Variants in ANKRD55 observed in about 807,000 individuals in gnomAD.
The protein encoded by ANKRD55 is ankyrin repeat domain 55, also known as ankyrin repeat domain-containing protein 55.
Under a neutral mutation model 60.6 loss-of-function variants are expected in ANKRD55, and 41 were observed. The observed-to-expected ratio is 0.68, with a 90% CI of 0.53 to 0.88. The LOEUF is 0.88. ANKRD55 is among the 40% of genes least tolerant of loss of function. The probability of loss-of-function intolerance (pLI) is 0.00; values close to 1 mark genes in which losing one functional copy is unlikely to be tolerated. For missense variants in ANKRD55, 732 were observed against 767.6 expected (o/e 0.95, Z 0.55); for synonymous variants, 264 against 290.3 (o/e 0.91, Z 0.92).
Position 56,111,490 on chromosome 5 carries a change from C to T in ANKRD55, c.1258G>A (p.Glu420Lys). 6.2e-7 allele frequency: 1 copy of T among 1,614,138 alleles called. No individual in the cohort carries two copies. The highest frequency in any genetic ancestry group is 8.5e-7 in the Non-Finnish European group (1 of 1,180,038). Residue 420 changes from glutamate (E) to lysine (K), a missense_variant, in exon 10 of 12, where the codon GAA becomes AAA. Transcript: ENST00000341048. ...TSDNSKYLLP[E>K]KKPLARKGLP... ...CCCTTACGGGCCAGCGGTTTCTTTT[C>T]TGGTAAGAGATATTTTGAATTGTCT...
rs192839993 is a variant in ANKRD55 at position 56,146,043 on chromosome 5, T to G, written c.484-2114A>C. ...AAATTAAATTATATTTTAAAAATAA[T>G]GCATGGATAGCCCGTTTCCCAGTTC... On this transcript the variant is annotated intron_variant, in intron 6 of 11. Coordinates refer to ENST00000341048, the MANE Select transcript of ANKRD55 (RefSeq NM_024669.3). Among the ~76,000 whole-genome samples the G allele has an allele frequency of 2.0e-3, 309 of 152,308 alleles. 1 individual carries two copies. Among genetic ancestry groups the G allele is most frequent in the East Asian group, 8.9e-3 (46 of 5,190 alleles).
intron 10 of ANKRD55, among the ~76,000 whole-genome samples, chr5:56,105,003 G>A (rs1467448947): frequency 6.6e-6 from 1 of 151,892 alleles, no homozygotes. Flanking sequence ...AATTTCTTCA[G>A]TTATAAAGAG....
intron 8 of ANKRD55, among the ~76,000 whole-genome samples, chr5:56,118,016 G>A (rs1214121195): frequency 6.6e-6 from 1 of 152,024 alleles, no homozygotes; most frequent in Non-Finnish European, 1.5e-5. Flanking sequence ...GGTGGCATGT[G>A]CCTGTAGTCC....
intron 8 of ANKRD55, among the ~76,000 whole-genome samples, chr5:56,121,862 T>A (rs1757076156): frequency 6.6e-6 from 1 of 152,172 alleles, no homozygotes; most frequent in Non-Finnish European, 1.5e-5. Flanking sequence ...AGACCCTGAA[T>A]TTTTTTAACT....
At chr5:56,215,421 C>T (rs1337074096) in intron 2 of ANKRD55, among the ~76,000 whole-genome samples, 1 of 151,468 alleles carries the variant, frequency 6.6e-6, no homozygotes, top group African/African-American at 2.5e-5. Context: ...TGAGCTGAGG[C>T]CTCTTAGCAG....
intron 10 of ANKRD55, among the ~76,000 whole-genome samples, chr5:56,110,270 G>A (rs187874951): frequency 7.3e-5 from 11 of 150,906 alleles, no homozygotes; most frequent in Non-Finnish European, 1.3e-4. Context: ...GTAGCAGTGC[G>A]CAACTGTAGT....
intron 7 of ANKRD55, among the ~76,000 whole-genome samples, chr5:56,136,538 G>A (rs530605779): frequency 2.2e-3 from 338 of 152,236 alleles, no homozygotes; most frequent in Middle Eastern, 0.017. Flanking sequence ...TGAAACAACT[G>A]GACATCTACA....
At chr5:56,220,093 G>A (rs1759923311) in intron 2 of ANKRD55, among the ~76,000 whole-genome samples, 1 of 152,194 alleles carries the variant, frequency 6.6e-6, no homozygotes, top group African/African-American at 2.4e-5. Flanking sequence ...GGAAACATCA[G>A]GGTTGATTCA....
chr5:56,109,874 T>A (rs1430568696), intron 10 of ANKRD55, among the ~76,000 whole-genome samples: 1 of 151,924 alleles, frequency 6.6e-6, no homozygotes, highest in Non-Finnish European at 1.5e-5. Context: ...AAGAATTAGC[T>A]GGGTGTGGTG....
chr5:56,139,471 T>C (rs1298970558), intron 7 of ANKRD55, among the ~76,000 whole-genome samples: 2 of 152,062 alleles, frequency 1.3e-5, no homozygotes, highest in East Asian at 1.9e-4. Context: ...TGACACTTAG[T>C]TGGGCTTTGA....
intron 2 of ANKRD55, among the ~76,000 whole-genome samples, chr5:56,198,814 T>C (rs1759286435): frequency 6.6e-6 from 1 of 151,738 alleles, no homozygotes; most frequent in African/African-American, 2.4e-5. Flanking sequence ...CAGCGGTGGC[T>C]CACACCTGTA....
At chr5:56,141,858 C>G (rs1400153726) in intron 7 of ANKRD55, among the ~76,000 whole-genome samples, 1 of 152,180 alleles carries the variant, frequency 6.6e-6, no homozygotes, top group Non-Finnish European at 1.5e-5. Context: ...ATATCACTAT[C>G]ATATGCATGG....
chr5:56,133,397 C>T (rs113193650), intron 7 of ANKRD55, among the ~76,000 whole-genome samples: 1,726 of 48,792 alleles, frequency 0.035, 29 homozygotes, highest in Middle Eastern at 0.045. Context: ...CGAGATTGTG[C>T]CACTGCACTC....
chr5:56,114,485 C>G (rs1205592988), intron 9 of ANKRD55, among the ~76,000 whole-genome samples: 1 of 152,020 alleles, frequency 6.6e-6, no homozygotes, highest in Non-Finnish European at 1.5e-5. Context: ...AGCTTGACAC[C>G]ATCTCAGTAT....
At chr5:56,137,202 TG>T in intron 7 of ANKRD55, 1 of 1,610,490 alleles carries the variant, frequency 6.2e-7, no homozygotes. Context: ...GGCCAAGCAG[TG>T]GGGCTGGACA....
At chr5:56,115,421 C>T (rs781298739) in intron 9 of ANKRD55, among the ~76,000 whole-genome samples, 34 of 151,424 alleles carry the variant, frequency 2.2e-4, no homozygotes, top group East Asian at 5.8e-4. Flanking sequence ...CAGGCTCAAG[C>T]GATTCTCCTG....
chr5:56,201,471 A>G (rs1759378707), intron 2 of ANKRD55, among the ~76,000 whole-genome samples: 2 of 152,244 alleles, frequency 1.3e-5, no homozygotes, highest in Non-Finnish European at 2.9e-5. Context: ...GGTGACACAA[A>G]GCATACATAT....
chr5:56,167,437 GA>G (rs375000414), intron 5 of ANKRD55, among the ~76,000 whole-genome samples: 28 of 152,206 alleles, frequency 1.8e-4, no homozygotes, highest in African/African-American at 4.8e-4. Flanking sequence ...GCCATTAACT[GA>G]AATGTCATTA....
At chr5:56,134,977 C>A (rs1757520901) in intron 7 of ANKRD55, among the ~76,000 whole-genome samples, 1 of 152,176 alleles carries the variant, frequency 6.6e-6, no homozygotes, top group Admixed American at 6.5e-5. Context: ...TCAACCACAT[C>A]AGCAGGCTAA....
Sources: gnomAD v4.1 joint callset for allele counts (sites outside exome capture counted in the v4.1 genomes callset) on GRCh38, gnomAD v4.1.1 for gene constraint, MANE v1.5 for transcripts, NCBI Gene and HGNC (gene_info 2026-07-23, HGNC 2026-07-21) for gene names.